The following ENO1 variants were observed in gnomAD, a reference collection of about 807,000 sequenced individuals.
ENO1 encodes alpha-enolase.
A neutral mutation model predicts 46.3 loss-of-function variants in ENO1; 33 were observed. That is an observed-to-expected ratio of 0.71 (90% CI 0.54 to 0.95). The LOEUF (loss-of-function observed/expected upper bound fraction) is 0.95. ENO1 is among the 40% of genes least tolerant of loss of function. The pLI, the probability that ENO1 is intolerant of heterozygous loss-of-function variation, is 0.00. For missense variants in ENO1, 488 were observed against 553.3 expected (o/e 0.88, Z 1.18); for synonymous variants, 220 against 216.0 (o/e 1.02, Z -0.16).
chr1:8,868,217 G>A (rs1642564004), intron 4 of ENO1, among the ~76,000 whole-genome samples, 160 bp from the exon 5 acceptor site: 2 of 151,980 alleles, frequency 1.3e-5, no homozygotes, highest in African/African-American at 4.8e-5. Flanking sequence ...AATCAGTGGG[G>A]AGACAAAAAA....
At position 8,870,461 on chromosome 1, in the gene ENO1, C is replaced by T. The variant is rs28999075; in HGVS notation, c.231G>A (p.Leu77=). The T allele has an allele frequency of 1.5e-3, 2,483 of 1,614,160 alleles. 39 individuals carry two copies. The African/African-American group carries it at 0.031, about 20-fold the overall frequency. Residue 77 remains leucine (L), a synonymous_variant, in exon 4 of 12, where the codon CTG becomes CTA. Coordinates refer to ENST00000234590, the MANE Select transcript of ENO1 (RefSeq NM_001428.5). The part of the protein sequence containing the change: ...EHINKTIAPA[L]VSKKLNVTEQ... The stretch of plus-strand genomic sequence containing the variant: ...AGGAGGCAGGTCCTACCTTGCTAAC[C>T]AGGGCAGGCGCAATAGTTTTATTGA...
chr1:8,869,168 C>T (rs1642581222), intron 4 of ENO1, among the ~76,000 whole-genome samples: 1 of 152,100 alleles, frequency 6.6e-6, no homozygotes, highest in African/African-American at 2.4e-5. Flanking sequence ...GGCAGTTACC[C>T]AAGCACACAG....
In ENO1 at chr1:8,866,472, A is replaced by G; in HGVS notation, c.474T>C (p.His158=). 1 of 1,614,236 alleles carries G rather than the reference A, an allele frequency of 6.2e-7. No individual in the cohort carries two copies. Among genetic ancestry groups the G allele is most frequent in the Non-Finnish European group, 8.5e-7 (1 of 1,180,034 alleles). ...PAFNVINGGS[H]AGNKLAMQEF... ...CCTGCATGGCCAGCTTGTTGCCAGC[A>G]TGAGAACCGCCATTGATGACATTGA... is the stretch of plus-strand genomic sequence containing the variant. The change falls in exon 7 of 12, where the codon CAT becomes CAC. Residue 158 remains histidine, a synonymous_variant. Coordinates refer to ENST00000234590, the MANE Select transcript of ENO1 (RefSeq NM_001428.5).
chr1:8,870,197 A>T lies in ENO1; in HGVS notation c.240+255T>A. On this transcript the variant is annotated intron_variant, in intron 4 of 11. Coordinates refer to ENST00000234590, the MANE Select transcript of ENO1 (RefSeq NM_001428.5). ...TCTTAATTTCTTCAAAGGTCCAGAG[A>T]GTTGCAGGGGGGAAGAAACCTCAGG... is the stretch of plus-strand genomic sequence containing the variant. The T allele has an allele frequency of 1.3e-5, 7 of 519,366 alleles. No homozygotes were observed. In the South Asian group the frequency reaches 1.9e-4, roughly 14 times the overall value. 32.2% of individuals were successfully genotyped at this position (519,366 alleles called of 1,614,324 possible). A position where few individuals can be genotyped will look rare whatever the true frequency, so the allele number is the denominator to read the frequency against.
intron 1 of ENO1, among the ~76,000 whole-genome samples, chr1:8,877,316 AC>A (rs1642755822): frequency 6.8e-6 from 1 of 147,104 alleles, no homozygotes; most frequent in Non-Finnish European, 1.5e-5. Flanking sequence ...CTAACTCCCG[AC>A]CTCAGGTGAT....
At chr1:8,863,591 G>C (rs1192819289) in intron 9 of ENO1, among the ~76,000 whole-genome samples, 1 of 152,230 alleles carries the variant, frequency 6.6e-6, no homozygotes, top group Admixed American at 6.5e-5. Context: ...CTTGATGGGA[G>C]AAAGATTAGT....
rs1009132965 is a variant in ENO1 at position 8,871,086 on chromosome 1, C to T, written c.182-576G>A. 8.2e-6 allele frequency: 10 copies of T among 1,219,722 alleles called. No homozygotes were observed. In the Middle Eastern group the frequency reaches 9.4e-4, roughly 115 times the overall value. 75.6% of individuals were successfully genotyped at this position (1,219,722 alleles called of 1,614,324 possible). A position where few individuals can be genotyped will look rare whatever the true frequency, so the allele number is the denominator to read the frequency against. On this transcript the variant is annotated intron_variant, in intron 3 of 11. Transcript: ENST00000234590. Reference sequence around the variant, plus strand: ...AGCATCATCCTGCTCCGGCTAAGTCCCCACGTACGCCATTAAACAACGGTC... The same window carrying T: ...AGCATCATCCTGCTCCGGCTAAGTCTCCACGTACGCCATTAAACAACGGTC...
chr1:8,864,376 G>A (rs1214598794), intron 8 of ENO1, among the ~76,000 whole-genome samples: 1 of 152,186 alleles, frequency 6.6e-6, no homozygotes, highest in Admixed American at 6.5e-5. Flanking sequence ...TCATAGCTAA[G>A]TGCAGCTGTG....
At chr1:8,869,097 C>T (rs1269505485) in intron 4 of ENO1, among the ~76,000 whole-genome samples, 2 of 152,218 alleles carry the variant, frequency 1.3e-5, no homozygotes, top group African/African-American at 2.4e-5. Context: ...CTGATCCCAT[C>T]ATGCTGTATG....
intron 11 of ENO1, among the ~76,000 whole-genome samples, chr1:8,861,880 TAA>T (rs749592337): frequency 6.2e-5 from 7 of 112,552 alleles, no homozygotes; most frequent in African/African-American, 1.1e-4. Context: ...ATCTTGATGT[TAA>T]AAAAAAAAAA....
At chr1:8,868,576 G>A (rs933993848) in intron 4 of ENO1, among the ~76,000 whole-genome samples, 6 of 152,218 alleles carry the variant, frequency 3.9e-5, no homozygotes, top group Non-Finnish European at 8.8e-5. Context: ...TTAGCAAAGC[G>A]TCTAATGATG....
At chr1:8,878,379 C>A (rs1029698182) in intron 1 of ENO1, 1 of 315,572 alleles carries the variant, frequency 3.2e-6, no homozygotes. Flanking sequence ...CCAGCACGTG[C>A]GCCTGGCATT....
chr1:8,874,570 T>C (rs1200974721), intron 2 of ENO1, among the ~76,000 whole-genome samples: 1 of 70,288 alleles, frequency 1.4e-5, no homozygotes, highest in African/African-American at 6.3e-5. Context: ...AGAGCAAGAC[T>C]CCATCTCAAA....
At chr1:8,876,307 G>A (rs1230607694) in intron 1 of ENO1, 1 of 152,160 alleles carries the variant, frequency 6.6e-6, no homozygotes, top group African/African-American at 2.4e-5. Flanking sequence ...TGTTGTCTAT[G>A]TAACAATGGA....
In ENO1 at chr1:8,878,665, G is replaced by A. The variant is rs924488567; in HGVS notation, c.-95C>T. The A allele has an allele frequency of 8.8e-6, 4 of 456,086 alleles. No homozygotes were observed. The highest frequency in any genetic ancestry group is 7.0e-5 in the East Asian group (1 of 14,386). The allele number at this position is 456,086 out of a possible 1,614,324, so 28.3% of individuals were successfully genotyped here. A position where few individuals can be genotyped will look rare whatever the true frequency, so the allele number is the denominator to read the frequency against. On this transcript the variant is annotated 5_prime_UTR_variant, in exon 1 of 12. Coordinates refer to ENST00000234590, the MANE Select transcript of ENO1 (RefSeq NM_001428.5). ...AACGTAAAGCCGGCGAGATCTCCGT[G>A]CTCCGGGTACCCACAGATACTGTCC...
chr1:8,866,145 T>C, intron 7 of ENO1, 134 bp downstream of exon 7: 1 of 721,310 alleles, frequency 1.4e-6, no homozygotes, highest in South Asian at 1.9e-5. Flanking sequence ...CTTAAAACCG[T>C]TTGAAGGGTC....
intron 2 of ENO1, 37 bp downstream of exon 2, chr1:8,874,787 T>C (rs1309230809): frequency 6.4e-7 from 1 of 1,574,222 alleles, no homozygotes; most frequent in South Asian, 1.1e-5. Flanking sequence ...TGAAGCACGG[T>C]GGAAGGAACC....
chr1:8,871,101 A>T, intron 3 of ENO1: 1 of 1,205,668 alleles, frequency 8.3e-7, no homozygotes, highest in Non-Finnish European at 1.0e-6. Flanking sequence ...GTACGCCATT[A>T]AACAACGGTC....
chr1:8,871,733 C>T, intron 3 of ENO1, 158 bp downstream of exon 3: 1 of 1,253,248 alleles, frequency 8.0e-7, no homozygotes, highest in South Asian at 1.6e-5. Context: ...TTCCTGTCCA[C>T]AAGGTGGTGC....
Sources: allele counts gnomAD v4.1 joint callset (sites outside exome capture counted in the v4.1 genomes callset), GRCh38; gene constraint gnomAD v4.1.1; transcripts MANE v1.5; gene names NCBI Gene and HGNC (gene_info 2026-07-23, HGNC 2026-07-21).